Variants in SGCZ observed in about 807,000 individuals in gnomAD.
SGCZ encodes the protein sarcoglycan zeta, also known as zeta-sarcoglycan.
SGCZ carries 40 observed loss-of-function variants against 41.3 expected under a neutral mutation model. The ratio of observed to expected loss-of-function variants is 0.97; its 90% CI spans 0.75 to 1.26. The LOEUF (loss-of-function observed/expected upper bound fraction) is 1.26, where lower values mean the gene tolerates loss of function less well. Ranked by LOEUF, SGCZ falls within the 50% of genes most tolerant of loss-of-function variation. The pLI is 0.00. For missense variants in SGCZ, 552 were observed against 369.8 expected, an observed-to-expected ratio of 1.49 and a Z score of -4.04; for synonymous variants, 206 against 137.5, an observed-to-expected ratio of 1.50 and a Z score of -3.49.
chr8:14,088,342 A>AAAAG lies in SGCZ; in HGVS notation c.*2097_*2100dup, dbSNP rs1801585391. 6.6e-6 allele frequency among the ~76,000 whole-genome samples: 1 copy of AAAAG among 151,892 alleles called. No homozygotes were observed. The highest frequency in any genetic ancestry group is 2.1e-4 in the South Asian group (1 of 4,832). On this transcript the variant is annotated 3_prime_UTR_variant, in exon 8 of 8. Coordinates refer to ENST00000382080, the MANE Select transcript of SGCZ (RefSeq NM_139167.4). ...TTAGAAACAGGGCCAGTTCCTAATCAAAAGAATTATTCCCATTTGACTTAG... is the reference window on the plus strand; with the variant it reads ...TTAGAAACAGGGCCAGTTCCTAATCAAAAGAAAGAATTATTCCCATTTGACTTAG...
intron 2 of SGCZ, among the ~76,000 whole-genome samples, chr8:14,473,483 T>G (rs1448897471): frequency 6.6e-6 from 1 of 152,136 alleles, no homozygotes; most frequent in African/African-American, 2.4e-5. Context: ...CATTAAAAAA[T>G]GAATTCAATA....
At chr8:14,838,523 C>A (rs1245182836) in intron 1 of SGCZ, among the ~76,000 whole-genome samples, 2 of 152,130 alleles carry the variant, frequency 1.3e-5, no homozygotes, top group Non-Finnish European at 2.9e-5. Flanking sequence ...GGTAGCAGCA[C>A]CCCAATAGTG....
At chr8:14,820,010 T>C (rs145507938) in intron 1 of SGCZ, among the ~76,000 whole-genome samples, 23 of 152,154 alleles carry the variant, frequency 1.5e-4, no homozygotes, top group African/African-American at 5.5e-4. Flanking sequence ...AATAACTCCT[T>C]ATCTGTCAAA....
Position 14,628,336 on chromosome 8 carries a change from T to G in SGCZ, c.40-73410A>C, listed in dbSNP as rs569837215. 3.6e-5 allele frequency among the ~76,000 whole-genome samples: 5 copies of G among 137,180 alleles called. No individual in the cohort carries two copies. The South Asian group carries it at 1.2e-3, about 32-fold the overall frequency. 90.0% of individuals were successfully genotyped at this position (137,180 alleles called of 152,430 possible). On this transcript the variant is annotated intron_variant, in intron 1 of 7. Coordinates refer to ENST00000382080, the MANE Select transcript of SGCZ (RefSeq NM_139167.4). ...ATTTACCTATAAGGAAAGAAAATAT[T>G]ACAGCTGATAACCTCCCTCTAATCG...
At chr8:15,139,797 G>T (rs1327611189) in intron 1 of SGCZ, among the ~76,000 whole-genome samples, 1 of 152,172 alleles carries the variant, frequency 6.6e-6, no homozygotes, top group African/African-American at 2.4e-5. Context: ...TGCAATTACT[G>T]TTTTATTGTT....
At chr8:14,265,788 A>T (rs979420017) in intron 3 of SGCZ, among the ~76,000 whole-genome samples, 8 of 150,830 alleles carry the variant, frequency 5.3e-5, no homozygotes, top group South Asian at 2.1e-4. Flanking sequence ...GAAATAAATT[A>T]AAAAAAAATC....
chr8:14,467,038 G>A (rs1358692291), intron 2 of SGCZ, among the ~76,000 whole-genome samples: 1 of 150,520 alleles, frequency 6.6e-6, no homozygotes, highest in African/African-American at 2.4e-5. Context: ...CACTTCCTCG[G>A]GTTTTACTGG....
At chr8:14,354,716 T>C (rs1803231135) in intron 2 of SGCZ, among the ~76,000 whole-genome samples, 1 of 151,782 alleles carries the variant, frequency 6.6e-6, no homozygotes, top group African/African-American at 2.4e-5. Flanking sequence ...TAAACATGTA[T>C]ACAAAAGACA....
chr8:14,505,411 C>T (rs1482196929), intron 2 of SGCZ, among the ~76,000 whole-genome samples: 1 of 152,100 alleles, frequency 6.6e-6, no homozygotes, highest in African/African-American at 2.4e-5. Context: ...GTTATTCTAG[C>T]AAATCCAAGC....
chr8:14,670,758 G>A lies in SGCZ; in HGVS notation c.40-115832C>T, dbSNP rs117757050. Reference sequence around the variant, plus strand: ...TCAGTACAACCCATGAGGTAGGTGTGATCCTTGTTCCTCATTTTAAAGATG... The same window carrying A: ...TCAGTACAACCCATGAGGTAGGTGTAATCCTTGTTCCTCATTTTAAAGATG... On this transcript the variant is annotated intron_variant, in intron 1 of 7. Transcript: ENST00000382080. Among the ~76,000 whole-genome samples, 87 of 152,278 alleles carry A rather than the reference G, an allele frequency of 5.7e-4. No individual in the cohort carries two copies. The Middle Eastern group carries it at 0.017, about 30-fold the overall frequency.
Position 15,124,057 on chromosome 8 carries a change from A to G in SGCZ, c.39+113528T>C, listed in dbSNP as rs182780605. 2.5e-3 allele frequency among the ~76,000 whole-genome samples: 385 copies of G among 152,326 alleles called. 2 individuals are homozygous for G. Among genetic ancestry groups the G allele is most frequent in the Middle Eastern group, 6.8e-3 (2 of 294 alleles). On this transcript the variant is annotated intron_variant, in intron 1 of 7. Coordinates refer to ENST00000382080, the MANE Select transcript of SGCZ (RefSeq NM_139167.4). ...AATTTATGCTTGGTAATCCATTATC[A>G]GATTTAAGTATGGAAAAATCTTCAT...
rs577094699 is a variant in SGCZ at position 14,807,483 on chromosome 8, G to C, written c.40-252557C>G. Among the ~76,000 whole-genome samples the C allele has an allele frequency of 1.4e-3, 219 of 152,104 alleles. 2 individuals carry two copies. The highest frequency in any genetic ancestry group is 6.9e-3 in the Admixed American group (106 of 15,256). ...CATGAGTGAACTCCCATTCACAATTGCTTCAAAGAGAAGAAAATACCTAGG... is the reference window on the plus strand; with the variant it reads ...CATGAGTGAACTCCCATTCACAATTCCTTCAAAGAGAAGAAAATACCTAGG... On this transcript the variant is annotated intron_variant, in intron 1 of 7. Coordinates refer to ENST00000382080, the MANE Select transcript of SGCZ (RefSeq NM_139167.4).
At chr8:15,129,260 A>T (rs1807813364) in intron 1 of SGCZ, among the ~76,000 whole-genome samples, 1 of 151,984 alleles carries the variant, frequency 6.6e-6, no homozygotes, top group Non-Finnish European at 1.5e-5. Context: ...TAATGTCCAC[A>T]CTTTCTTTTG....
intron 1 of SGCZ, among the ~76,000 whole-genome samples, chr8:14,933,283 C>G (rs1412354295): frequency 1.3e-5 from 2 of 151,952 alleles, no homozygotes; most frequent in African/African-American, 4.8e-5. Context: ...AACTTACAGC[C>G]TCATTTGAAG....
intron 1 of SGCZ, among the ~76,000 whole-genome samples, chr8:14,868,761 G>C (rs1804029913): frequency 6.6e-6 from 1 of 151,940 alleles, no homozygotes; most frequent in African/African-American, 2.4e-5. Context: ...GTTTCTACTT[G>C]AAATATAAGG....
At chr8:14,557,836 G>T (rs1449308004) in intron 1 of SGCZ, among the ~76,000 whole-genome samples, 1 of 152,012 alleles carries the variant, frequency 6.6e-6, no homozygotes, top group African/African-American at 2.4e-5. Context: ...AAATGAAATT[G>T]AAACAAACAA....
intron 1 of SGCZ, among the ~76,000 whole-genome samples, chr8:14,567,886 G>A (rs1021357026): frequency 6.6e-6 from 1 of 152,176 alleles, no homozygotes; most frequent in Non-Finnish European, 1.5e-5. Flanking sequence ...GAATCCACCA[G>A]AAGGAAGAAA....
chr8:14,244,473 C>A (rs1438197615), intron 3 of SGCZ, among the ~76,000 whole-genome samples: 3 of 152,160 alleles, frequency 2.0e-5, no homozygotes, highest in Non-Finnish European at 4.4e-5. Context: ...AGTACCAGTA[C>A]CATGCTGTTT....
At chr8:14,104,794 C>G (rs1050673482) in intron 6 of SGCZ, among the ~76,000 whole-genome samples, 4 of 152,020 alleles carry the variant, frequency 2.6e-5, no homozygotes, top group East Asian at 1.9e-4. Context: ...AACTTGGAGC[C>G]TGCAAACCTT....
Sources: gnomAD v4.1 joint callset for allele counts (sites outside exome capture counted in the v4.1 genomes callset) on GRCh38, gnomAD v4.1.1 for gene constraint, MANE v1.5 for transcripts, NCBI Gene and HGNC (gene_info 2026-07-23, HGNC 2026-07-21) for gene names.